The following FAT3 variants were observed in gnomAD, a reference collection of about 807,000 sequenced individuals.
The protein encoded by FAT3 is protocadherin Fat 3.
A neutral mutation model predicts 310.2 loss-of-function variants in FAT3; 95 were observed. The observed-to-expected ratio is 0.31, with a 90% CI of 0.26 to 0.36. FAT3 has a LOEUF of 0.36. FAT3 is among the 10% of genes least tolerant of loss of function. FAT3 has a pLI of 1.00. For synonymous variants in FAT3, 2,314 were observed against 2,192.9 expected, an observed-to-expected ratio of 1.06 and a Z score of -1.54; for missense variants, 5,408 against 5,715.6, an observed-to-expected ratio of 0.95 and a Z score of 1.74.
At chr11:92,420,821 T>C (rs538499397) in intron 2 of FAT3, among the ~76,000 whole-genome samples, 14 of 152,318 alleles carry the variant, frequency 9.2e-5, no homozygotes, top group Middle Eastern at 6.8e-3. Context: ...TTTTTCCTTT[T>C]TATCAAATTG....
intron 1 of FAT3, among the ~76,000 whole-genome samples, chr11:92,322,285 A>G (rs1438178895): frequency 1.3e-5 from 2 of 152,220 alleles, no homozygotes; most frequent in African/African-American, 4.8e-5. Flanking sequence ...TAAAAAATAT[A>G]CATACCTTAA....
chr11:92,693,595 C>T lies in FAT3; in HGVS notation c.3608-3789C>T, dbSNP rs532334431. On this transcript the variant is annotated intron_variant, in intron 3 of 27. Coordinates refer to ENST00000525166, the MANE Select transcript of FAT3 (RefSeq NM_001367949.2). ...GCACTGGTCATTTTAACTAATTCCT[C>T]TGGGCCAGGAAGGATGGCTCACTGC... Among the ~76,000 whole-genome samples, 3 of 152,312 alleles carry T rather than the reference C, an allele frequency of 2.0e-5. No homozygotes were observed. In the South Asian group the frequency reaches 6.2e-4, roughly 32 times the overall value.
At chr11:92,778,546 A>T (rs1305424863) in intron 7 of FAT3, among the ~76,000 whole-genome samples, 1 of 152,192 alleles carries the variant, frequency 6.6e-6, no homozygotes, top group Non-Finnish European at 1.5e-5. Context: ...CTTCCAAAAC[A>T]GTTTGAGTTC....
At chr11:92,705,438 GGTGGTGGTGTGA>G (rs1944259187) in intron 4 of FAT3, among the ~76,000 whole-genome samples, 1 of 144,748 alleles carries the variant, frequency 6.9e-6, no homozygotes, top group Non-Finnish European at 1.5e-5. Context: ...TGGTGGTGAT[GGTGGTGGTGTGA>G]TGGTGGTGTG....
At chr11:92,726,814 G>T (rs1945015306) in intron 4 of FAT3, among the ~76,000 whole-genome samples, 1 of 150,986 alleles carries the variant, frequency 6.6e-6, no homozygotes, top group Admixed American at 6.6e-5. Context: ...CAGTAGCAGT[G>T]GGCTGACAGA....
At chr11:92,877,544 C>G (rs1169420056) in intron 22 of FAT3, among the ~76,000 whole-genome samples, 1 of 152,148 alleles carries the variant, frequency 6.6e-6, no homozygotes, top group African/African-American at 2.4e-5. Flanking sequence ...ACCCAACCTC[C>G]CAGTATTAGA....
chr11:92,336,070 T>C (rs1034511192), intron 1 of FAT3: 1 of 510,400 alleles, frequency 2.0e-6, no homozygotes, highest in African/African-American at 1.9e-5. Context: ...GTGCTGGGGT[T>C]GAAGCAGTTG....
At chr11:92,715,011 T>C (rs968126121) in intron 4 of FAT3, among the ~76,000 whole-genome samples, 3 of 152,006 alleles carry the variant, frequency 2.0e-5, no homozygotes, top group Non-Finnish European at 2.9e-5. Flanking sequence ...GTATGGGTTG[T>C]TTTTTGTTAC....
intron 2 of FAT3, among the ~76,000 whole-genome samples, chr11:92,493,839 C>T (rs1348814255): frequency 6.6e-6 from 1 of 151,992 alleles, no homozygotes; most frequent in East Asian, 1.9e-4. Context: ...ATTAGTACCC[C>T]TGGGAATGAA....
intron 4 of FAT3, among the ~76,000 whole-genome samples, chr11:92,755,357 G>C (rs1487504768): frequency 6.6e-6 from 1 of 151,986 alleles, no homozygotes; most frequent in African/African-American, 2.4e-5. Context: ...CGAGTATCTG[G>C]GATTACAGGC....
rs941150757 is a variant in FAT3 at position 92,866,050 on chromosome 11, C to A, written c.11659-691C>A. 7.9e-5 allele frequency among the ~76,000 whole-genome samples: 12 copies of A among 152,324 alleles called. No individual in the cohort carries two copies. In the Middle Eastern group the frequency reaches 0.01, roughly 130 times the overall value. On this transcript the variant is annotated intron_variant, in intron 21 of 27. Coordinates refer to ENST00000525166, the MANE Select transcript of FAT3 (RefSeq NM_001367949.2). ...CCTTTACCTAAACCATGAGCATCAT[C>A]CTAAAGGCCTATTTTAAGAATATGC...
chr11:92,838,652 C>T (rs1321011782), intron 17 of FAT3, among the ~76,000 whole-genome samples: 1 of 152,144 alleles, frequency 6.6e-6, no homozygotes, highest in East Asian at 1.9e-4. Context: ...TTGCATGATC[C>T]AGTTTGGCCT....
Position 92,835,041 on chromosome 11 carries a change from C to T in FAT3, c.10043C>T (p.Ala3348Val), listed in dbSNP as rs376234071. ...PPKFSQDVYS[A>V]VISEDALVGD... ...AAGTTCAGCCAAGACGTCTACAGTG[C>T]GGTTATCAGTGAAGACGCCTTGGTG... The change falls in exon 15 of 28, where the codon GCG (alanine) becomes GTG (valine). Residue 3348 changes from alanine to valine, a missense_variant. By Grantham distance (64) the Ala-to-Val change is moderately conservative (BLOSUM62 0). Around this residue, in one of 5 missense-constraint regions of FAT3, gnomAD observed 4,588 missense variants for 4,809.8 expected, o/e 0.95. Coordinates refer to ENST00000525166, the MANE Select transcript of FAT3 (RefSeq NM_001367949.2). 47 of 1,613,376 alleles carry T rather than the reference C, an allele frequency of 2.9e-5. No individual in the cohort carries two copies. Among genetic ancestry groups the T allele is most frequent in the South Asian group, 5.5e-5 (5 of 90,936 alleles).
chr11:92,543,294 G>C (rs1000310041), intron 3 of FAT3, among the ~76,000 whole-genome samples: 2 of 152,118 alleles, frequency 1.3e-5, no homozygotes, highest in Non-Finnish European at 2.9e-5. Flanking sequence ...TGCCAGTATT[G>C]CATTATATAT....
At chr11:92,701,992 G>A (rs1459611241) in intron 4 of FAT3, among the ~76,000 whole-genome samples, 1 of 152,180 alleles carries the variant, frequency 6.6e-6, no homozygotes, top group Admixed American at 6.5e-5. Flanking sequence ...GTGTGGGAAA[G>A]CTCAGATGTT....
chr11:92,299,164 A>C (rs1282950535), intron 1 of FAT3, among the ~76,000 whole-genome samples: 1 of 152,096 alleles, frequency 6.6e-6, no homozygotes, highest in Non-Finnish European at 1.5e-5. Flanking sequence ...CAGAGACAGA[A>C]GGAAAAGTAC....
intron 3 of FAT3, among the ~76,000 whole-genome samples, chr11:92,535,694 T>C (rs1954233661): frequency 6.6e-6 from 1 of 152,206 alleles, no homozygotes; most frequent in South Asian, 2.1e-4. Flanking sequence ...CTATCTGGGT[T>C]GTTCTAAAAG....
chr11:92,555,850 T>C (rs936230080), intron 3 of FAT3, among the ~76,000 whole-genome samples: 16 of 152,252 alleles, frequency 1.1e-4, no homozygotes, highest in African/African-American at 3.9e-4. Flanking sequence ...CCTTACATTA[T>C]GTCGTTCCTT....
chr11:92,668,374 A>T (rs1334250249), intron 3 of FAT3, among the ~76,000 whole-genome samples: 1 of 152,212 alleles, frequency 6.6e-6, no homozygotes, highest in African/African-American at 2.4e-5. Flanking sequence ...GTCTTTACCC[A>T]TAGGAGATTC....
Sources: gnomAD v4.1 joint callset for allele counts (sites outside exome capture counted in the v4.1 genomes callset) on GRCh38, gnomAD v4.1.1 for gene constraint, gnomAD v4.1.1 regional missense constraint, MANE v1.5 for transcripts, NCBI Gene and HGNC (gene_info 2026-07-23, HGNC 2026-07-21) for gene names.